Variants in MTNAP1 observed in about 807,000 individuals in gnomAD.
The protein encoded by MTNAP1 is mitochondrial nucleoid-associated protein 1.
chr17:73,238,008 G>C, the MTNAP1 span, among the ~76,000 whole-genome samples: 1 of 152,148 alleles, frequency 6.6e-6, no homozygotes, highest in Non-Finnish European at 1.5e-5. Flanking sequence ...GGCGAGAAGG[G>C]CTTGGGGCGA....
At chr17:73,236,978 G>A in the MTNAP1 span, 1 of 1,576,328 alleles carries the variant, frequency 6.3e-7, no homozygotes. Flanking sequence ...AGTCCCCAGG[G>A]GGAAAGACTC....
the MTNAP1 span, among the ~76,000 whole-genome samples, chr17:73,240,557 A>G: frequency 2.6e-5 from 4 of 152,368 alleles, no homozygotes; most frequent in East Asian, 7.7e-4. Flanking sequence ...GACTGTCTCC[A>G]ATGACTGCAA....
the MTNAP1 span, chr17:73,245,632 A>G: frequency 1.0e-6 from 1 of 985,426 alleles, no homozygotes; most frequent in Non-Finnish European, 1.2e-6. Context: ...ATAAGCCCAC[A>G]TCAGGCCCTT....
the MTNAP1 span, among the ~76,000 whole-genome samples, chr17:73,233,886 C>G: frequency 2.0e-5 from 3 of 150,264 alleles, no homozygotes; most frequent in Non-Finnish European, 4.5e-5. Flanking sequence ...AAAAAAAAGA[C>G]CAAACAACAA....
the MTNAP1 span, chr17:73,235,970 G>A: frequency 2.9e-3 from 4,627 of 1,614,196 alleles, 8 homozygotes; most frequent in Non-Finnish European, 3.6e-3. Context: ...GGAGAAAGTC[G>A]ATGTAATCCT....
At chr17:73,233,592 G>C in the MTNAP1 span, among the ~76,000 whole-genome samples, 1 of 152,212 alleles carries the variant, frequency 6.6e-6, no homozygotes, top group Non-Finnish European at 1.5e-5. Context: ...GGCTGGGCGC[G>C]GTGGCTCACG....
chr17:73,236,815 A>G, the MTNAP1 span: 4 of 1,613,876 alleles, frequency 2.5e-6, no homozygotes, highest in African/African-American at 1.3e-5. Context: ...GAGCCCCTTC[A>G]CCAATCATGC....
At chr17:73,242,914 C>T in the MTNAP1 span, 1 of 1,613,740 alleles carries the variant, frequency 6.2e-7, no homozygotes, top group Non-Finnish European at 8.5e-7. Context: ...AGGTGCAACA[C>T]CACCATAAGG....
At chr17:73,242,150 C>T in the MTNAP1 span, 14 of 738,358 alleles carry the variant, frequency 1.9e-5, no homozygotes, top group Non-Finnish European at 2.9e-5. Context: ...ATATGCTCTT[C>T]CTGAGGCTTA....
chr17:73,233,540 CAAAG>C, the MTNAP1 span, among the ~76,000 whole-genome samples: 4 of 152,140 alleles, frequency 2.6e-5, no homozygotes, highest in East Asian at 1.9e-4. Flanking sequence ...TGTGTACCTC[CAAAG>C]AAAGAAAGAA....
At chr17:73,245,723 G>A in the MTNAP1 span, 8 of 985,266 alleles carry the variant, frequency 8.1e-6, no homozygotes, top group African/African-American at 3.5e-5. Flanking sequence ...CATTCGAGTT[G>A]CAGGTAAGCC....
the MTNAP1 span, among the ~76,000 whole-genome samples, chr17:73,234,749 A>G: frequency 8.4e-6 from 1 of 118,420 alleles, no homozygotes; most frequent in Non-Finnish European, 2.0e-5. Context: ...ATATTTGTGC[A>G]TTATGCATAC....
At chr17:73,247,119 C>G in the MTNAP1 span, 14 of 809,172 alleles carry the variant, frequency 1.7e-5, no homozygotes, top group South Asian at 1.6e-4. Context: ...CAAAAACAAG[C>G]CCTGCTCATT....
the MTNAP1 span, among the ~76,000 whole-genome samples, chr17:73,246,305 G>A: frequency 6.6e-6 from 1 of 152,088 alleles, no homozygotes; most frequent in Non-Finnish European, 1.5e-5. Flanking sequence ...AGGCCAAGGC[G>A]GGCGGATCAT....
At chr17:73,243,048 G>A in the MTNAP1 span, 13 of 1,363,796 alleles carry the variant, frequency 9.5e-6, no homozygotes, top group African/African-American at 9.5e-5. Context: ...GTCCCATTCC[G>A]TTATGTGGAC....
the MTNAP1 span, among the ~76,000 whole-genome samples, chr17:73,237,421 A>G: frequency 1.1e-4 from 16 of 144,548 alleles, no homozygotes; most frequent in Admixed American, 4.2e-4. Flanking sequence ...GGCGACGGGA[A>G]TGAGACCCTG....
the MTNAP1 span, among the ~76,000 whole-genome samples, chr17:73,233,852 G>C: frequency 1.3e-5 from 2 of 149,744 alleles, no homozygotes; most frequent in Non-Finnish European, 3.0e-5. Flanking sequence ...CAGCCTGAGT[G>C]ATAGAGCAAG....
the MTNAP1 span, among the ~76,000 whole-genome samples, chr17:73,239,323 C>T: frequency 6.6e-6 from 1 of 152,120 alleles, no homozygotes; most frequent in Non-Finnish European, 1.5e-5. Flanking sequence ...TTCTGTACTA[C>T]ATTTTATAGT....
chr17:73,236,159 G>C, the MTNAP1 span: 1 of 1,614,112 alleles, frequency 6.2e-7, no homozygotes, highest in South Asian at 1.1e-5. Context: ...GTGCCTACTG[G>C]TGATTGTCAT....
Sources: gnomAD v4.1 joint callset for allele counts (sites outside exome capture counted in the v4.1 genomes callset) on GRCh38, gnomAD v4.1.1 for gene constraint, MANE v1.5 for transcripts, NCBI Gene and HGNC (gene_info 2026-07-23, HGNC 2026-07-21) for gene names.